TRHDE: variants seen among roughly 807,000 people sequenced by gnomAD.
TRHDE encodes the protein thyrotropin-releasing hormone-degrading ectoenzyme.
Under a neutral mutation model 125.7 loss-of-function variants are expected in TRHDE, and 72 were observed. The ratio of observed to expected loss-of-function variants is 0.57; its 90% confidence interval spans 0.47 to 0.70. TRHDE has a LOEUF of 0.70. Ranked by LOEUF, TRHDE falls within the 30% of genes least tolerant of loss-of-function variation. The probability of loss-of-function intolerance (pLI) is 0.00; values close to 1 mark genes in which losing one functional copy is unlikely to be tolerated. For missense variants in TRHDE, 1,110 were observed against 1,327.1 expected, an observed-to-expected ratio of 0.84 and a Z score of 2.54; for synonymous variants, 509 against 509.1, an observed-to-expected ratio of 1.00 and a Z score of 0.00.
At chr12:72,510,897 T>C (rs1032073097) in intron 6 of TRHDE, among the ~76,000 whole-genome samples, 1 of 152,154 alleles carries the variant, frequency 6.6e-6, no homozygotes, top group Non-Finnish European at 1.5e-5. Context: ...AACTTACATA[T>C]GTCCACCCTG....
At chr12:72,587,621 C>G (rs1428979760) in intron 12 of TRHDE, among the ~76,000 whole-genome samples, 1 of 151,472 alleles carries the variant, frequency 6.6e-6, no homozygotes, top group Non-Finnish European at 1.5e-5. Context: ...AAAAATTATA[C>G]AGAATTTTAA....
intron 3 of TRHDE, among the ~76,000 whole-genome samples, chr12:72,430,594 T>C (rs1874435441): frequency 6.6e-6 from 1 of 151,768 alleles, no homozygotes; most frequent in African/African-American, 2.4e-5. Context: ...GAGGATTGTT[T>C]TCTGAACTCT....
At chr12:72,148,257 A>G (rs918761586) in intron 2 of TRHDE, among the ~76,000 whole-genome samples, 2 of 152,192 alleles carry the variant, frequency 1.3e-5, no homozygotes, top group Admixed American at 1.3e-4. Context: ...GTGACTTTCC[A>G]GGAATGTAAA....
At chr12:72,198,965 G>C (rs1445387177) in intron 2 of TRHDE, among the ~76,000 whole-genome samples, 1 of 151,958 alleles carries the variant, frequency 6.6e-6, no homozygotes, top group Non-Finnish European at 1.5e-5. Flanking sequence ...GAGAGAAACA[G>C]AGAGAGAATG....
At chr12:72,585,971 T>G (rs138353892) in intron 12 of TRHDE, among the ~76,000 whole-genome samples, 1 of 152,146 alleles carries the variant, frequency 6.6e-6, no homozygotes, top group African/African-American at 2.4e-5. Flanking sequence ...GTTGTCTCAT[T>G]ACGATCTTTT....
At chr12:72,429,093 A>G (rs536759558) in intron 3 of TRHDE, among the ~76,000 whole-genome samples, 2 of 152,190 alleles carry the variant, frequency 1.3e-5, no homozygotes, top group South Asian at 4.1e-4. Flanking sequence ...CTATCACAAG[A>G]TCAGAAAACC....
intron 2 of TRHDE, among the ~76,000 whole-genome samples, chr12:72,377,304 CTT>C (rs200021223): frequency 3.3e-4 from 43 of 130,266 alleles, no homozygotes; most frequent in Non-Finnish European, 3.2e-4. Flanking sequence ...TTGCTTTAGG[CTT>C]TTTTTTTTTT....
chr12:72,620,560 C>T (rs1293965364), intron 13 of TRHDE, among the ~76,000 whole-genome samples: 1 of 151,808 alleles, frequency 6.6e-6, no homozygotes, highest in Non-Finnish European at 1.5e-5. Flanking sequence ...GCATGCCTTA[C>T]CTTGATACTG....
At chr12:72,325,032 T>TG (rs1019213032) in intron 2 of TRHDE, among the ~76,000 whole-genome samples, 2 of 152,036 alleles carry the variant, frequency 1.3e-5, no homozygotes, top group Non-Finnish European at 2.9e-5. Context: ...ATGTTCCTCT[T>TG]GGGGATACCA....
chr12:72,105,321 GA>G (rs1229344531), intron 1 of TRHDE, among the ~76,000 whole-genome samples: 1 of 152,116 alleles, frequency 6.6e-6, no homozygotes, highest in African/African-American at 2.4e-5. Context: ...AGATCACAGA[GA>G]AAAGAGCATT....
chr12:72,448,827 T>A (rs542782721), intron 3 of TRHDE, among the ~76,000 whole-genome samples: 15 of 151,920 alleles, frequency 9.9e-5, no homozygotes, highest in Non-Finnish European at 1.2e-4. Flanking sequence ...GGAAATTTTT[T>A]ATTTTTACTT....
intron 3 of TRHDE, among the ~76,000 whole-genome samples, chr12:72,393,865 A>G (rs116976545): frequency 4.3e-4 from 65 of 152,282 alleles, no homozygotes; most frequent in Admixed American, 1.1e-3. Context: ...CTTGCTATTA[A>G]TAAGTCTTAT....
chr12:72,224,120 A>G, intron 2 of TRHDE, among the ~76,000 whole-genome samples: 1 of 56,938 alleles, frequency 1.8e-5, no homozygotes, highest in Middle Eastern at 7.0e-3. Flanking sequence ...CTATCTATCT[A>G]TCTATCTATC....
At chr12:72,287,843 C>T (rs1356312029) in intron 2 of TRHDE, among the ~76,000 whole-genome samples, 1 of 151,884 alleles carries the variant, frequency 6.6e-6, no homozygotes, top group Non-Finnish European at 1.5e-5. Context: ...GTAGATTATC[C>T]CATGTTGAAT....
intron 3 of TRHDE, among the ~76,000 whole-genome samples, chr12:72,422,031 G>A (rs1030592046): frequency 6.6e-6 from 1 of 152,110 alleles, no homozygotes; most frequent in African/African-American, 2.4e-5. Flanking sequence ...AAAAAGTCCT[G>A]TGTCTTTTTC....
intron 12 of TRHDE, among the ~76,000 whole-genome samples, chr12:72,578,561 T>G (rs2136032101): frequency 6.6e-6 from 1 of 152,326 alleles, no homozygotes; most frequent in East Asian, 1.9e-4. Context: ...AATTATCACC[T>G]TATTGCTCAA....
chr12:72,204,034 A>AT (rs1248189880), intron 2 of TRHDE, among the ~76,000 whole-genome samples: 26 of 151,850 alleles, frequency 1.7e-4, no homozygotes, highest in Non-Finnish European at 3.5e-4. Context: ...ATTTCACTTG[A>AT]TTTTTTTCTG....
chr12:72,547,744 C>A (rs1194335990), intron 7 of TRHDE, among the ~76,000 whole-genome samples: 1 of 151,716 alleles, frequency 6.6e-6, no homozygotes, highest in African/African-American at 2.4e-5. Flanking sequence ...TTTCTCCTAG[C>A]AATAATTCCA....
At chr12:72,590,641 C>A (rs10879453) in intron 12 of TRHDE, among the ~76,000 whole-genome samples, 39,849 of 151,858 alleles carry the variant, frequency 0.26, 7,875 homozygotes, top group East Asian at 0.54. Context: ...TATGGTCACT[C>A]CAGCCTTCTT....
Sources: gnomAD v4.1 joint callset for allele counts (sites outside exome capture counted in the v4.1 genomes callset) on GRCh38, gnomAD v4.1.1 for gene constraint, MANE v1.5 for transcripts, NCBI Gene and HGNC (gene_info 2026-07-23, HGNC 2026-07-21) for gene names.